Variants in MEGF10 observed in about 807,000 individuals in gnomAD.
MEGF10 encodes multiple EGF like domains 10, also known as multiple epidermal growth factor-like domains protein 10.
In MEGF10, 86 loss-of-function variants were observed where a neutral mutation model predicts 147.5. The ratio of observed to expected loss-of-function variants is 0.58; its 90% CI spans 0.49 to 0.70. MEGF10 has a LOEUF of 0.70. MEGF10 is among the 30% of genes least tolerant of loss of function. The pLI, the probability that MEGF10 is intolerant of heterozygous loss-of-function variation, is 0.00. For synonymous variants in MEGF10, 478 were observed against 525.5 expected (o/e 0.91, Z 1.24); for missense variants, 1,329 against 1,487.3 (o/e 0.89, Z 1.75).
At chr5:127,298,832 T>C (rs1306594020) in intron 1 of MEGF10, among the ~76,000 whole-genome samples, 1 of 152,156 alleles carries the variant, frequency 6.6e-6, no homozygotes, top group Non-Finnish European at 1.5e-5. Flanking sequence ...AGGGGTTGGC[T>C]GATGTGCCAT....
At chr5:127,334,548 C>T (rs1431579846) in intron 2 of MEGF10, among the ~76,000 whole-genome samples, 10 of 151,880 alleles carry the variant, frequency 6.6e-5, no homozygotes, top group African/African-American at 1.9e-4. Flanking sequence ...TTTAATGCAG[C>T]GATTGTGATT....
rs31483 is a variant in MEGF10, at chr5:127,410,585, C to T, written c.1114C>T (p.Leu372=). ...IKCDKRCPCH[L]ENTHSCHPMS... is the part of the protein sequence containing the mutation. ...ATGTGACAAACGGTGTCCCTGCCACCTGGAAAACACTCATAGGTGAGTGTC... is the reference window on the plus strand; with the variant it reads ...ATGTGACAAACGGTGTCCCTGCCACTTGGAAAACACTCATAGGTGAGTGTC... Residue 372 remains leucine, a synonymous_variant, in exon 9 of 25, where the codon CTG becomes TTG. Coordinates refer to ENST00000503335, the MANE Select transcript of MEGF10 (RefSeq NM_001256545.2). 1,489,657 of 1,606,830 alleles carry T rather than the reference C, an allele frequency of 0.93. 691,013 individuals are homozygous for T. Among genetic ancestry groups the T allele is most frequent in the East Asian group, 1 (44,834 of 44,844 alleles).
chr5:127,269,600 A>G, the MEGF10 span, among the ~76,000 whole-genome samples: 5 of 152,228 alleles, frequency 3.3e-5, no homozygotes, highest in African/African-American at 1.2e-4. Context: ...GAAAAGACCA[A>G]ATCTATGTCT....
chr5:127,376,362 T>C (rs556747735), intron 5 of MEGF10, among the ~76,000 whole-genome samples: 64 of 152,154 alleles, frequency 4.2e-4, no homozygotes, highest in South Asian at 1.0e-3. Context: ...AGAGAGTGGA[T>C]TGCGGAATAG....
intron 8 of MEGF10, among the ~76,000 whole-genome samples, chr5:127,405,757 T>C (rs1764297896): frequency 6.6e-6 from 1 of 152,154 alleles, no homozygotes; most frequent in Non-Finnish European, 1.5e-5. Flanking sequence ...ATTTTCTTCA[T>C]TCTTAAGTAG....
At chr5:127,312,902 G>GA (rs1397313406) in intron 1 of MEGF10, among the ~76,000 whole-genome samples, 1 of 152,042 alleles carries the variant, frequency 6.6e-6, no homozygotes, top group South Asian at 2.1e-4. Flanking sequence ...AAATTATCTT[G>GA]AAAAAAATTT....
At chr5:127,303,335 C>CA (rs1174955274) in intron 1 of MEGF10, among the ~76,000 whole-genome samples, 6,271 of 49,960 alleles carry the variant, frequency 0.13, 486 homozygotes, top group African/African-American at 0.21. Context: ...GACTCCATGT[C>CA]AAAAAAAAAA....
chr5:127,405,207 TA>T (rs1481032114), intron 8 of MEGF10, among the ~76,000 whole-genome samples: 2 of 152,224 alleles, frequency 1.3e-5, no homozygotes, highest in African/African-American at 4.8e-5. Context: ...TAGCTATCAT[TA>T]TTTTTTATGA....
rs962002929 is a variant in MEGF10, at chr5:127,447,615, T to G, written c.2787T>G (p.Ser929Arg). 1 of 1,614,126 alleles carries G rather than the reference T, an allele frequency of 6.2e-7. No individual in the cohort carries two copies. The highest frequency in any genetic ancestry group is 1.3e-5 in the African/African-American group (1 of 75,038). ...NANSHYFTNP[S>R]YHTLTQCATS... Reference sequence around the variant, plus strand: ...ATAGCCACTACTTCACCAATCCCAGTTACCACACGCTCACCCAGTGTGCCA... The same window carrying G: ...ATAGCCACTACTTCACCAATCCCAGGTACCACACGCTCACCCAGTGTGCCA... Residue 929 changes from serine (S) to arginine (R), a missense_variant, in exon 21 of 25, where the codon AGT becomes AGG. Physicochemically the swap from Ser to Arg is moderately radical, Grantham distance 110. Around this residue, in one of 3 missense-constraint regions of MEGF10, gnomAD observed 343 missense variants for 377.9 expected, o/e 0.91. Transcript: ENST00000503335.
In MEGF10 at chr5:127,447,180, T is replaced by C. The variant is rs7703677; in HGVS notation, c.2729-377T>C. Reference sequence around the variant, plus strand: ...GACATTTGTTCAGTTATTTATTTATTTGTTTTTTTATTTAGAGATGGAGTC... The same window carrying C: ...GACATTTGTTCAGTTATTTATTTATCTGTTTTTTTATTTAGAGATGGAGTC... On this transcript the variant is annotated intron_variant, in intron 20 of 24. Transcript: ENST00000503335. 5.3e-3 allele frequency among the ~76,000 whole-genome samples: 811 copies of C among 152,166 alleles called. 10 individuals carry two copies. Among genetic ancestry groups the C allele is most frequent in the African/African-American group, 0.019 (774 of 41,508 alleles).
intron 5 of MEGF10, among the ~76,000 whole-genome samples, chr5:127,391,120 A>G (rs369710932): frequency 6.0e-4 from 48 of 80,304 alleles, no homozygotes; most frequent in South Asian, 1.4e-3. Flanking sequence ...ACACACACAC[A>G]CACACACACA....
intron 4 of MEGF10, among the ~76,000 whole-genome samples, chr5:127,368,074 G>A (rs181285420): frequency 1.3e-5 from 2 of 152,160 alleles, no homozygotes; most frequent in African/African-American, 4.8e-5. Context: ...GCTTACAAAT[G>A]AATGACATCT....
chr5:127,422,422 G>A (rs146990979), intron 12 of MEGF10, among the ~76,000 whole-genome samples: 37 of 152,206 alleles, frequency 2.4e-4, no homozygotes, highest in African/African-American at 8.9e-4. Context: ...TCGGGAGGCT[G>A]AGAATTCCTT....
chr5:127,334,101 GA>G (rs1324574281), intron 2 of MEGF10, among the ~76,000 whole-genome samples: 8 of 152,112 alleles, frequency 5.3e-5, no homozygotes, highest in African/African-American at 1.7e-4. Context: ...GACCAGTATA[GA>G]AGATAAATTA....
At chr5:127,384,221 A>G (rs1763351231) in intron 5 of MEGF10, among the ~76,000 whole-genome samples, 2 of 152,238 alleles carry the variant, frequency 1.3e-5, no homozygotes, top group Non-Finnish European at 2.9e-5. Flanking sequence ...AGATAAGGAA[A>G]TCTTAGCTAT....
At chr5:127,335,506 T>G (rs1761426240) in intron 2 of MEGF10, among the ~76,000 whole-genome samples, 1 of 152,148 alleles carries the variant, frequency 6.6e-6, no homozygotes, top group African/African-American at 2.4e-5. Context: ...AAGACACTTT[T>G]CTTCATGATT....
chr5:127,324,865 G>T (rs529054351), intron 1 of MEGF10, among the ~76,000 whole-genome samples: 1 of 152,092 alleles, frequency 6.6e-6, no homozygotes. Flanking sequence ...CACCCTCAAG[G>T]CTTGGCTCTT....
chr5:127,262,430 T>C, the MEGF10 span, among the ~76,000 whole-genome samples: 1 of 152,142 alleles, frequency 6.6e-6, no homozygotes, highest in African/African-American at 2.4e-5. Context: ...TTGGAAAATC[T>C]AGTTTCCAGA....
intron 1 of MEGF10, among the ~76,000 whole-genome samples, chr5:127,308,236 T>A (rs1323909884): frequency 6.6e-6 from 1 of 152,146 alleles, no homozygotes; most frequent in Non-Finnish European, 1.5e-5. Flanking sequence ...AGTGACTTTG[T>A]TATGATGCAG....
Sources: allele counts gnomAD v4.1 joint callset (sites outside exome capture counted in the v4.1 genomes callset), GRCh38; gene constraint gnomAD v4.1.1; regional missense constraint gnomAD v4.1.1; transcripts MANE v1.5; gene names NCBI Gene and HGNC (gene_info 2026-07-23, HGNC 2026-07-21).